Variants in FGF10 observed in about 807,000 individuals in gnomAD.
FGF10 encodes FGF-10.
In FGF10, 2 loss-of-function variants were observed where a neutral mutation model predicts 19.8. The observed-to-expected ratio is 0.10, with a 90% CI of 0.04 to 0.32. The LOEUF is 0.32. Ranked by LOEUF, FGF10 falls within the 10% of genes least tolerant of loss-of-function variation. The pLI is 1.00. For missense variants in FGF10, 191 were observed against 246.3 expected (o/e 0.78, Z 1.50); for synonymous variants, 112 against 94.0 (o/e 1.19, Z -1.10).
intron 1 of FGF10, among the ~76,000 whole-genome samples, chr5:44,360,473 C>T (rs1402449218): frequency 6.6e-6 from 1 of 151,526 alleles, no homozygotes; most frequent in East Asian, 1.9e-4. Flanking sequence ...AGAACAGCAA[C>T]ATTTGTAATT....
chr5:44,344,774 G>A (rs1741050432), intron 1 of FGF10, among the ~76,000 whole-genome samples: 1 of 151,654 alleles, frequency 6.6e-6, no homozygotes, highest in Non-Finnish European at 1.5e-5. Context: ...CTGGGTCAGT[G>A]GTTTCTAGGG....
At chr5:44,383,644 A>G (rs541092359) in intron 1 of FGF10, among the ~76,000 whole-genome samples, 7 of 152,222 alleles carry the variant, frequency 4.6e-5, no homozygotes, top group African/African-American at 1.7e-4. Flanking sequence ...TAATAGATTT[A>G]TGATAAATCC....
At chr5:44,333,102 AC>A (rs574102260) in intron 1 of FGF10, among the ~76,000 whole-genome samples, 66 of 151,684 alleles carry the variant, frequency 4.4e-4, no homozygotes, top group East Asian at 1.9e-3. Flanking sequence ...AGAAGTCCTG[AC>A]CCCCCCCAAA....
At chr5:44,344,568 C>CTCTGGGTGTGTGTG in intron 1 of FGF10, among the ~76,000 whole-genome samples, 1 of 126,854 alleles carries the variant, frequency 7.9e-6, no homozygotes, top group African/African-American at 3.0e-5. Flanking sequence ...TTTGTTTTCT[C>CTCTGGGTGTGTGTG]TGTGTGTGTG....
Position 44,302,604 on chromosome 5 carries a change from G to A in FGF10, c.*2391C>T, listed in dbSNP as rs1296756400. On this transcript the variant is annotated 3_prime_UTR_variant, in exon 3 of 3. Coordinates refer to ENST00000264664, the MANE Select transcript of FGF10 (RefSeq NM_004465.2). ...GCCTGTCTAGAACTCCTGGACTCAA[G>A]CCATCTTCCCACAGTCTCCCAAACT... Among the ~76,000 whole-genome samples the A allele has an allele frequency of 3.9e-5, 6 of 152,076 alleles. No homozygotes were observed. Among genetic ancestry groups the A allele is most frequent in the Admixed American group, 1.3e-4 (2 of 15,246 alleles).
At chr5:44,383,493 A>C (rs773195064) in intron 1 of FGF10, among the ~76,000 whole-genome samples, 3 of 152,090 alleles carry the variant, frequency 2.0e-5, no homozygotes, top group Non-Finnish European at 4.4e-5. Context: ...TGAAATATCC[A>C]AGACCTAGAA....
chr5:44,308,211 T>C (rs1740127844), intron 2 of FGF10, among the ~76,000 whole-genome samples: 1 of 152,170 alleles, frequency 6.6e-6, no homozygotes, highest in South Asian at 2.1e-4. Context: ...ATAAGCACAG[T>C]CCATGAGCTG....
At chr5:44,373,162 G>T (rs1405234335) in intron 1 of FGF10, among the ~76,000 whole-genome samples, 1 of 152,116 alleles carries the variant, frequency 6.6e-6, no homozygotes, top group African/African-American at 2.4e-5. Flanking sequence ...AGGGATTCAT[G>T]CCATGAGAGG....
intron 1 of FGF10, among the ~76,000 whole-genome samples, chr5:44,344,568 C>CTCTGTGTGTGTGTGTGTGTG (rs1554037820): frequency 5.9e-4 from 75 of 126,854 alleles, no homozygotes; most frequent in Middle Eastern, 4.2e-3. Flanking sequence ...TTTGTTTTCT[C>CTCTGTGTGTGTGTGTGTGTG]TGTGTGTGTG....
intron 1 of FGF10, among the ~76,000 whole-genome samples, chr5:44,366,295 A>AG (rs1741613309): frequency 6.6e-6 from 1 of 151,888 alleles, no homozygotes; most frequent in Non-Finnish European, 1.5e-5. Flanking sequence ...AAGGTGGGCA[A>AG]GGATACCCCC....
chr5:44,336,133 T>C (rs1233109570), intron 1 of FGF10, among the ~76,000 whole-genome samples: 2 of 152,090 alleles, frequency 1.3e-5, no homozygotes, highest in Non-Finnish European at 2.9e-5. Context: ...CAGTATTTCA[T>C]TAATGTTTTT....
At chr5:44,308,167 A>C (rs1257033021) in intron 2 of FGF10, among the ~76,000 whole-genome samples, 1 of 152,222 alleles carries the variant, frequency 6.6e-6, no homozygotes, top group African/African-American at 2.4e-5. Context: ...ATTTGAATGA[A>C]ATAATTCACA....
chr5:44,305,007 C>A lies in FGF10; in HGVS notation c.615G>T (p.Val205=). The A allele has an allele frequency of 1.2e-6, 2 of 1,613,880 alleles. No homozygotes were observed. Among genetic ancestry groups the A allele is most frequent in the Non-Finnish European group, 1.7e-6 (2 of 1,179,838 alleles). The change falls in exon 3 of 3, where the codon GTG becomes GTT. Residue 205 remains valine, a synonymous_variant. Transcript: ENST00000264664. ...ACGTTGCCTTCCTCTATGAGTGTAC[C>A]ACCATTGGAAGAAAGTGAGCAGAGG... ...KNTSAHFLPM[V]VHS
chr5:44,369,183 C>T (rs1211445302), intron 1 of FGF10, among the ~76,000 whole-genome samples: 7 of 152,034 alleles, frequency 4.6e-5, no homozygotes, highest in Admixed American at 6.6e-5. Context: ...CCAGTTCACT[C>T]GTCTGAGAAA....
At chr5:44,343,796 C>A (rs73752007) in intron 1 of FGF10, among the ~76,000 whole-genome samples, 243 of 151,948 alleles carry the variant, frequency 1.6e-3, no homozygotes, top group African/African-American at 5.7e-3. Flanking sequence ...TTTATGGCAA[C>A]AGATATTGGC....
chr5:44,322,637 T>A (rs1273207554), intron 1 of FGF10, among the ~76,000 whole-genome samples: 1 of 152,090 alleles, frequency 6.6e-6, no homozygotes, highest in East Asian at 1.9e-4. Context: ...ATGTTCTGGA[T>A]TAAAGTCAAG....
intron 1 of FGF10, among the ~76,000 whole-genome samples, chr5:44,381,402 T>A (rs1287667394): frequency 6.6e-6 from 1 of 151,948 alleles, no homozygotes; most frequent in African/African-American, 2.4e-5. Context: ...GGGTGCCAAG[T>A]AATACTAATG....
chr5:44,341,453 T>TATATTCAGATAGATATATATTC (rs1401721106), intron 1 of FGF10, among the ~76,000 whole-genome samples: 1 of 151,746 alleles, frequency 6.6e-6, no homozygotes, highest in Non-Finnish European at 1.5e-5. Context: ...AGATAGATAA[T>TATATTCAGATAGATATATATTC]AGATAGTCTG....
chr5:44,361,434 C>A (rs907495393), intron 1 of FGF10, among the ~76,000 whole-genome samples: 1 of 151,586 alleles, frequency 6.6e-6, no homozygotes, highest in African/African-American at 2.4e-5. Flanking sequence ...GCCTGACAGT[C>A]CAGTCTCTAA....
Sources: allele counts gnomAD v4.1 joint callset (sites outside exome capture counted in the v4.1 genomes callset), GRCh38; gene constraint gnomAD v4.1.1; transcripts MANE v1.5; gene names NCBI Gene and HGNC (gene_info 2026-07-23, HGNC 2026-07-21).